NSL1: variants seen among roughly 807,000 people sequenced by gnomAD.
The protein encoded by NSL1 is NSL1 component of MIS12 kinetochore complex, also known as kinetochore-associated protein NSL1 homolog.
In NSL1, 11 loss-of-function variants were observed where a neutral mutation model predicts 25.4. That is an observed-to-expected ratio of 0.43 (90% CI 0.27 to 0.72). The LOEUF is 0.72. Among genes scored for constraint, NSL1 ranks in the 30% least tolerant of loss-of-function variants. The pLI is 0.19. For missense variants in NSL1, 330 were observed against 342.7 expected (o/e 0.96, Z 0.29); for synonymous variants, 118 against 120.6 (o/e 0.98, Z 0.14).
At chr1:212,789,751 G>A (rs369261556) in intron 1 of NSL1, among the ~76,000 whole-genome samples, 67 of 152,136 alleles carry the variant, frequency 4.4e-4, no homozygotes, top group African/African-American at 1.4e-3. Context: ...TCACTTTATC[G>A]TCCCACTAAA....
intron 4 of NSL1, among the ~76,000 whole-genome samples, chr1:212,781,148 T>G (rs1571918278): frequency 2.0e-5 from 3 of 152,346 alleles, no homozygotes; most frequent in Admixed American, 2.0e-4. Context: ...CTAATTCTTT[T>G]GCTTACTTTT....
chr1:212,791,168 A>G (rs1661231601), intron 1 of NSL1, among the ~76,000 whole-genome samples: 1 of 152,214 alleles, frequency 6.6e-6, no homozygotes, highest in South Asian at 2.1e-4. Context: ...AGTACGAACA[A>G]AAGAATGTAA....
chr1:212,737,951 T>G lies in NSL1; in HGVS notation c.*457A>C. 3 of 985,610 alleles carry G rather than the reference T, an allele frequency of 3.0e-6. No individual in the cohort carries two copies. The highest frequency in any genetic ancestry group is 3.6e-6 in the Non-Finnish European group (3 of 830,194). The allele number at this position is 985,610 out of a possible 1,614,324, so 61.1% of individuals were successfully genotyped here. A position where few individuals can be genotyped will look rare whatever the true frequency, so the allele number is the denominator to read the frequency against. On this transcript the variant is annotated 3_prime_UTR_variant, in exon 6 of 6. Coordinates refer to ENST00000366977, the MANE Select transcript of NSL1 (RefSeq NM_015471.4). ...AAACTACATCTTTAAAAAAAAACCCTGCATCTGCTGCTGTGCAGAACTGAT... is the reference window on the plus strand; with the variant it reads ...AAACTACATCTTTAAAAAAAAACCCGGCATCTGCTGCTGTGCAGAACTGAT...
Position 212,731,295 on chromosome 1 carries a change from C to T in NSL1, c.*7113G>A, listed in dbSNP as rs944361365. ...GATAGGCCAGGTGCAGTGGCTCATT[C>T]CTGTAATCCCAGCACTTTGGGAAGC... On this transcript the variant is annotated 3_prime_UTR_variant, in exon 6 of 6. Transcript: ENST00000366977. 9.1e-6 allele frequency: 9 copies of T among 984,526 alleles called. No homozygotes were observed. In the African/African-American group the frequency reaches 1.6e-4, roughly 17 times the overall value. 61.0% of individuals were successfully genotyped at this position (984,526 alleles called of 1,614,324 possible).
At chr1:212,777,061 A>G (rs1032209281) in intron 4 of NSL1, among the ~76,000 whole-genome samples, 7 of 138,122 alleles carry the variant, frequency 5.1e-5, no homozygotes, top group African/African-American at 1.8e-4. Flanking sequence ...TGAAAAGACT[A>G]AAAAAAAAAA....
At chr1:212,778,288 T>A (rs1660473601) in intron 4 of NSL1, among the ~76,000 whole-genome samples, 1 of 152,250 alleles carries the variant, frequency 6.6e-6, no homozygotes, top group South Asian at 2.1e-4. Context: ...CTGTCTGCTT[T>A]ATCTTTGTAT....
intron 1 of NSL1, among the ~76,000 whole-genome samples, chr1:212,788,296 C>T (rs952926769): frequency 6.6e-6 from 1 of 152,066 alleles, no homozygotes; most frequent in Admixed American, 6.6e-5. Flanking sequence ...GCCTGTAGTC[C>T]CGGCTACTTG....
At position 212,730,408 on chromosome 1, in the gene NSL1, A is replaced by G; in HGVS notation, c.*8000T>C. 1.0e-6 allele frequency: 1 copy of G among 985,368 alleles called. No individual in the cohort carries two copies. The highest frequency in any genetic ancestry group is 1.2e-6 in the Non-Finnish European group (1 of 829,932). 61.0% of individuals were successfully genotyped at this position (985,368 alleles called of 1,614,324 possible). ...TAGAAGATGTGGGCCACAGAGCTAC[A>G]TGAATGGGCACCAAGGGAGGTCTTA... On this transcript the variant is annotated 3_prime_UTR_variant, in exon 6 of 6. Coordinates refer to ENST00000366977, the MANE Select transcript of NSL1 (RefSeq NM_015471.4).
rs753793300 is a variant in NSL1 at position 212,741,187 on chromosome 1, G to T, written c.500-1586C>A. Reference sequence around the variant, plus strand: ...AAAAGTACTCAGGGGCATAACAATTGTTAAATTTTCTCTGTGGTATGGCAA... The same window carrying T: ...AAAAGTACTCAGGGGCATAACAATTTTTAAATTTTCTCTGTGGTATGGCAA... On this transcript the variant is annotated intron_variant, in intron 4 of 5. Transcript: ENST00000366977. Among the ~76,000 whole-genome samples, 201 of 152,082 alleles carry T rather than the reference G, an allele frequency of 1.3e-3. 1 individual carries two copies. The highest frequency in any genetic ancestry group is 2.5e-3 in the Non-Finnish European group (169 of 67,928).
chr1:212,778,042 C>T (rs985809326), intron 4 of NSL1, among the ~76,000 whole-genome samples: 5 of 152,036 alleles, frequency 3.3e-5, no homozygotes, highest in African/African-American at 4.8e-5. Flanking sequence ...GAGAAGTCAA[C>T]GAATGTGAGA....
intron 4 of NSL1, among the ~76,000 whole-genome samples, chr1:212,778,958 G>T (rs1273604150): frequency 2.7e-5 from 4 of 150,650 alleles, no homozygotes; most frequent in African/African-American, 9.8e-5. Context: ...AGTGAGGAGC[G>T]CCTCTTCCCG....
rs552729272 is a variant in NSL1 at position 212,780,265 on chromosome 1, T to C, written c.499+2107A>G. Among the ~76,000 whole-genome samples the C allele has an allele frequency of 5.4e-3, 811 of 151,350 alleles. 5 individuals carry two copies. The highest frequency in any genetic ancestry group is 0.019 in the African/African-American group (767 of 41,050). On this transcript the variant is annotated intron_variant, in intron 4 of 5. Transcript: ENST00000366977. ...CACTCAGGGTTAAATGGATTAAGGG[T>C]GGTGCAAGATGTGCTTTGTTAAACA... is the stretch of plus-strand genomic sequence containing the variant.
At chr1:212,772,963 A>T (rs1242006801) in intron 4 of NSL1, among the ~76,000 whole-genome samples, 1 of 152,222 alleles carries the variant, frequency 6.6e-6, no homozygotes, top group African/African-American at 2.4e-5. Context: ...CCTCTTCAAT[A>T]AATGGTGCTG....
rs185449809 is a variant in NSL1 at position 212,751,204 on chromosome 1, A to G, written c.500-11603T>C. On this transcript the variant is annotated intron_variant, in intron 4 of 5. Transcript: ENST00000366977. ...TTAGTTATAAAAGGAAGAAGGGTAC[A>G]AGGAAGAAAAACACAATGGCATGAA... Among the ~76,000 whole-genome samples the G allele has an allele frequency of 1.1e-3, 167 of 152,314 alleles. 1 individual carries two copies. Among genetic ancestry groups the G allele is most frequent in the Non-Finnish European group, 1.6e-3 (112 of 68,022 alleles).
intron 4 of NSL1, among the ~76,000 whole-genome samples, chr1:212,752,201 T>C (rs1390861824): frequency 1.3e-5 from 2 of 152,258 alleles, no homozygotes; most frequent in African/African-American, 4.8e-5. Flanking sequence ...AGCTACATTA[T>C]AGATTAAGGT....
intron 2 of NSL1, among the ~76,000 whole-genome samples, chr1:212,786,525 T>G (rs1043968540): frequency 1.3e-5 from 2 of 152,112 alleles, no homozygotes; most frequent in Non-Finnish European, 2.9e-5. Flanking sequence ...ATCACAAAAT[T>G]TGAACAGAAG....
intron 4 of NSL1, among the ~76,000 whole-genome samples, chr1:212,747,953 A>G (rs552373377): frequency 6.6e-6 from 1 of 152,130 alleles, no homozygotes; most frequent in African/African-American, 2.4e-5. Flanking sequence ...TTTGGTAGAG[A>G]TGGGGTTTCA....
chr1:212,747,272 A>C (rs916311952), intron 4 of NSL1, among the ~76,000 whole-genome samples: 2 of 152,220 alleles, frequency 1.3e-5, no homozygotes, highest in African/African-American at 2.4e-5. Context: ...AATCACTTCC[A>C]AGATTAGGTT....
intron 4 of NSL1, among the ~76,000 whole-genome samples, chr1:212,768,849 C>T (rs1366809194): frequency 6.6e-6 from 1 of 152,092 alleles, no homozygotes; most frequent in Non-Finnish European, 1.5e-5. Flanking sequence ...CAAAAACCAC[C>T]TGTGACCCAA....
Sources: gnomAD v4.1 joint callset for allele counts (sites outside exome capture counted in the v4.1 genomes callset) on GRCh38, gnomAD v4.1.1 for gene constraint, MANE v1.5 for transcripts, NCBI Gene and HGNC (gene_info 2026-07-23, HGNC 2026-07-21) for gene names.